Variants in SLC25A21 observed in about 807,000 individuals in gnomAD.
SLC25A21 encodes mitochondrial 2-oxodicarboxylate carrier.
SLC25A21 carries 47 observed loss-of-function variants against 43.8 expected under a neutral mutation model. The ratio of observed to expected loss-of-function variants is 1.07; its 90% CI spans 0.85 to 1.37. SLC25A21 has a LOEUF of 1.37. Among genes scored for constraint, SLC25A21 ranks in the 40% most tolerant of loss-of-function variants. The pLI is 0.00. For synonymous variants in SLC25A21, 131 were observed against 121.3 expected (o/e 1.08, Z -0.52); for missense variants, 352 against 350.2 (o/e 1.00, Z -0.04).
Position 36,734,559 on chromosome 14 carries a change from T to C in SLC25A21, c.218A>G (p.Tyr73Cys), listed in dbSNP as rs2139228868. The C allele has an allele frequency of 6.2e-7, 1 of 1,605,918 alleles. No homozygotes were observed. Among genetic ancestry groups the C allele is most frequent in the Non-Finnish European group, 8.5e-7 (1 of 1,175,534 alleles). Residue 73 changes from tyrosine (Y) to cysteine (C), a missense_variant, in exon 4 of 10, where the codon TAC becomes TGC. Coordinates refer to ENST00000331299, the MANE Select transcript of SLC25A21 (RefSeq NM_030631.4). Reference protein sequence around the residue: ...IFQMEGLFGFYKGILPPILAE... With the variant: ...IFQMEGLFGFCKGILPPILAE... Reference sequence around the variant, plus strand: ...CAAGATAGGTGGCAGAATTCCCTTGTAAAAACCAAATAACCTGTTGGAGAA... The same window carrying C: ...CAAGATAGGTGGCAGAATTCCCTTGCAAAAACCAAATAACCTGTTGGAGAA...
At chr14:36,991,518 G>A (rs1960262974) in intron 1 of SLC25A21, among the ~76,000 whole-genome samples, 1 of 152,120 alleles carries the variant, frequency 6.6e-6, no homozygotes, top group African/African-American at 2.4e-5. Context: ...AGTAATAAAA[G>A]GAGCCAAGAA....
At chr14:36,818,901 T>A (rs1040731162) in intron 2 of SLC25A21, among the ~76,000 whole-genome samples, 2 of 152,194 alleles carry the variant, frequency 1.3e-5, no homozygotes, top group Non-Finnish European at 2.9e-5. Flanking sequence ...TCCAGTTACA[T>A]AATACAACCC....
chr14:36,978,793 T>C (rs1959941608), intron 1 of SLC25A21, among the ~76,000 whole-genome samples: 1 of 152,214 alleles, frequency 6.6e-6, no homozygotes, highest in South Asian at 2.1e-4. Context: ...AAGAGTCAGA[T>C]GATCTCAGTA....
intron 2 of SLC25A21, among the ~76,000 whole-genome samples, chr14:36,844,340 G>A (rs1445500457): frequency 1.3e-5 from 2 of 152,092 alleles, no homozygotes; most frequent in South Asian, 2.1e-4. Context: ...TCCTGGTAAC[G>A]TGCTGGCACA....
At chr14:37,024,834 T>C (rs1474350365) in intron 1 of SLC25A21, among the ~76,000 whole-genome samples, 5 of 152,112 alleles carry the variant, frequency 3.3e-5, no homozygotes, top group African/African-American at 1.2e-4. Flanking sequence ...CTTATTTATA[T>C]ATATCTAGCT....
At position 37,162,066 on chromosome 14, in the gene SLC25A21, C is replaced by T. The variant is rs542381078; in HGVS notation, c.70+10215G>A. ...GGAGGCAGAGATTGGAGTAATGTGT[C>T]CACAGGCCAAGGAATACCAAGCGTT... is the stretch of plus-strand genomic sequence containing the variant. On this transcript the variant is annotated intron_variant, in intron 1 of 9. Transcript: ENST00000331299. Among the ~76,000 whole-genome samples, 38 of 151,720 alleles carry T rather than the reference C, an allele frequency of 2.5e-4. 1 individual carries two copies. In the South Asian group the frequency reaches 7.5e-3, roughly 30 times the overall value.
Position 37,172,329 on chromosome 14 carries a change from T to C in SLC25A21, c.22A>G (p.Ser8Gly), listed in dbSNP as rs2138965954. The C allele has an allele frequency of 6.2e-7, 1 of 1,603,176 alleles. No homozygotes were observed. The highest frequency in any genetic ancestry group is 1.1e-5 in the South Asian group (1 of 88,746). MSAKPEV[S>G]LVREASRQIV... ...TGCCGAGAAGCCTCGCGCACTAAGC[T>C]GACTTCAGGCTTGGCGGACATCTTC... Residue 8 changes from serine (S) to glycine (G), a missense_variant, in exon 1 of 10, where the codon AGC (serine) becomes GGC (glycine). Coordinates refer to ENST00000331299, the MANE Select transcript of SLC25A21 (RefSeq NM_030631.4).
chr14:37,033,358 T>A (rs1280319110), intron 1 of SLC25A21, among the ~76,000 whole-genome samples: 1 of 152,260 alleles, frequency 6.6e-6, no homozygotes, highest in Non-Finnish European at 1.5e-5. Context: ...TAAAATTTGT[T>A]CATTAGTTGA....
intron 1 of SLC25A21, among the ~76,000 whole-genome samples, chr14:37,069,439 A>G (rs1003593100): frequency 3.3e-5 from 5 of 152,240 alleles, no homozygotes; most frequent in African/African-American, 1.2e-4. Flanking sequence ...GTTTAGGAAC[A>G]TATGCGTAGA....
At chr14:36,830,644 T>C (rs1889005259) in intron 2 of SLC25A21, among the ~76,000 whole-genome samples, 1 of 152,168 alleles carries the variant, frequency 6.6e-6, no homozygotes, top group Admixed American at 6.5e-5. Context: ...AGTTGCATGT[T>C]GTATGTAAAC....
intron 1 of SLC25A21, among the ~76,000 whole-genome samples, chr14:36,918,041 G>A (rs1334821860): frequency 6.6e-6 from 1 of 152,108 alleles, no homozygotes; most frequent in African/African-American, 2.4e-5. Flanking sequence ...CAGCCTTCAA[G>A]GCACTAGGCC....
At chr14:36,831,153 G>A (rs1013584735) in intron 2 of SLC25A21, among the ~76,000 whole-genome samples, 2 of 152,354 alleles carry the variant, frequency 1.3e-5, no homozygotes, top group African/African-American at 4.8e-5. Flanking sequence ...CAACATGGCA[G>A]TCACTAGCCA....
chr14:36,738,237 A>G (rs1249857787), intron 3 of SLC25A21, among the ~76,000 whole-genome samples: 1 of 152,248 alleles, frequency 6.6e-6, no homozygotes, highest in Non-Finnish European at 1.5e-5. Flanking sequence ...ATAATTACTG[A>G]AAGTTTTCCC....
intron 3 of SLC25A21, among the ~76,000 whole-genome samples, chr14:36,796,385 CTCTT>C (rs1229137840): frequency 3.1e-5 from 3 of 97,234 alleles, no homozygotes; most frequent in Non-Finnish European, 2.2e-5. Context: ...TTCTCTCTTT[CTCTT>C]TCTTTCTCTT....
intron 7 of SLC25A21, among the ~76,000 whole-genome samples, chr14:36,696,642 T>G (rs1248796462): frequency 6.6e-6 from 1 of 152,106 alleles, no homozygotes; most frequent in Non-Finnish European, 1.5e-5. Flanking sequence ...CTTGGGAGGG[T>G]GTATGTGTCC....
intron 3 of SLC25A21, among the ~76,000 whole-genome samples, chr14:36,802,771 A>G (rs1235094552): frequency 1.3e-5 from 2 of 152,234 alleles, no homozygotes; most frequent in African/African-American, 4.8e-5. Context: ...AAGGGAAAGG[A>G]CATTCTTGGC....
intron 1 of SLC25A21, among the ~76,000 whole-genome samples, chr14:37,136,907 G>T (rs574632789): frequency 3.3e-5 from 5 of 152,260 alleles, no homozygotes; most frequent in African/African-American, 1.2e-4. Flanking sequence ...TAGGGCAGGG[G>T]GAATGGGGAG....
rs1009955740 is a variant in SLC25A21 at position 37,016,282 on chromosome 14, C to T, written c.71-141278G>A. ...ATATGGCTAGCCAGTTTTCCCAGCA[C>T]CATTTATTAAATAGGGAATCCTTTC... On this transcript the variant is annotated intron_variant, in intron 1 of 9. Coordinates refer to ENST00000331299, the MANE Select transcript of SLC25A21 (RefSeq NM_030631.4). Among the ~76,000 whole-genome samples, 143 of 152,196 alleles carry T rather than the reference C, an allele frequency of 9.4e-4. 1 individual carries two copies. Among genetic ancestry groups the T allele is most frequent in the Admixed American group, 1.4e-3 (22 of 15,284 alleles).
At chr14:36,716,879 T>C (rs1323287118) in intron 6 of SLC25A21, among the ~76,000 whole-genome samples, 1 of 152,166 alleles carries the variant, frequency 6.6e-6, no homozygotes, top group African/African-American at 2.4e-5. Context: ...AGAAGAGTTC[T>C]AGGCACAGCA....
Sources: allele counts gnomAD v4.1 joint callset (sites outside exome capture counted in the v4.1 genomes callset), GRCh38; gene constraint gnomAD v4.1.1; transcripts MANE v1.5; gene names NCBI Gene and HGNC (gene_info 2026-07-23, HGNC 2026-07-21).